SGCZ: variants seen among roughly 807,000 people sequenced by gnomAD.
SGCZ encodes the protein sarcoglycan zeta.
SGCZ carries 40 observed loss-of-function variants against 41.3 expected under a neutral mutation model. That is an observed-to-expected ratio of 0.97 (90% CI 0.75 to 1.26). SGCZ has a LOEUF of 1.26. Among genes scored for constraint, SGCZ ranks in the 50% most tolerant of loss-of-function variants. The probability of loss-of-function intolerance (pLI) is 0.00; values close to 1 mark genes in which losing one functional copy is unlikely to be tolerated. For synonymous variants in SGCZ, 206 were observed against 137.5 expected, an observed-to-expected ratio of 1.50 and a Z score of -3.49; for missense variants, 552 against 369.8, an observed-to-expected ratio of 1.49 and a Z score of -4.04.
chr8:15,099,576 A>C (rs1424264520), intron 1 of SGCZ, among the ~76,000 whole-genome samples: 2 of 152,188 alleles, frequency 1.3e-5, no homozygotes, highest in Admixed American at 1.3e-4. Flanking sequence ...GCAAAAAATA[A>C]TTGAAGAGGA....
intron 6 of SGCZ, among the ~76,000 whole-genome samples, chr8:14,107,856 A>C (rs1383460896): frequency 6.6e-6 from 1 of 151,914 alleles, no homozygotes; most frequent in African/African-American, 2.4e-5. Flanking sequence ...CTATGTTGCC[A>C]GGTCTTGAAC....
intron 2 of SGCZ, among the ~76,000 whole-genome samples, chr8:14,351,658 T>C (rs1179200185): frequency 1.3e-5 from 2 of 151,852 alleles, no homozygotes; most frequent in African/African-American, 4.8e-5. Context: ...AATACAAAGA[T>C]AGATGATAAC....
intron 1 of SGCZ, among the ~76,000 whole-genome samples, chr8:14,693,355 G>C (rs1323459873): frequency 6.7e-6 from 1 of 150,134 alleles, no homozygotes; most frequent in South Asian, 2.1e-4. Context: ...GCAATGGCAC[G>C]ATCTCGGCTC....
chr8:15,097,395 A>G (rs1585558867), intron 1 of SGCZ, among the ~76,000 whole-genome samples: 1 of 152,188 alleles, frequency 6.6e-6, no homozygotes, highest in East Asian at 1.9e-4. Context: ...GGCTGAGGCA[A>G]CCGCAACTAT....
chr8:14,398,201 C>T (rs1433826513), intron 2 of SGCZ, among the ~76,000 whole-genome samples: 2 of 152,080 alleles, frequency 1.3e-5, no homozygotes, highest in Non-Finnish European at 2.9e-5. Context: ...CTAATGACAC[C>T]GCTGTTTCTC....
chr8:14,246,447 G>A, intron 3 of SGCZ, among the ~76,000 whole-genome samples: 1 of 151,936 alleles, frequency 6.6e-6, no homozygotes. Context: ...GGACTGTTGT[G>A]GGGTGGGGGG....
chr8:15,014,503 T>G (rs1482783082), intron 1 of SGCZ, among the ~76,000 whole-genome samples: 1 of 152,208 alleles, frequency 6.6e-6, no homozygotes, highest in Non-Finnish European at 1.5e-5. Flanking sequence ...CACTTATTGC[T>G]AAGAAAGTTT....
intron 1 of SGCZ, among the ~76,000 whole-genome samples, chr8:14,611,204 C>G (rs566926609): frequency 6.6e-5 from 10 of 152,130 alleles, no homozygotes; most frequent in African/African-American, 2.2e-4. Flanking sequence ...TTCCTCAACA[C>G]TGAGTCTTTC....
chr8:14,957,513 G>A (rs1800829953), intron 1 of SGCZ, among the ~76,000 whole-genome samples: 1 of 151,870 alleles, frequency 6.6e-6, no homozygotes, highest in Non-Finnish European at 1.5e-5. Context: ...TAATATACAT[G>A]TTTAGTATCT....
chr8:15,000,585 C>T (rs997294237), intron 1 of SGCZ, among the ~76,000 whole-genome samples: 1 of 152,090 alleles, frequency 6.6e-6, no homozygotes, highest in African/African-American at 2.4e-5. Context: ...TTCAAGATGG[C>T]GGCTCCATCT....
intron 1 of SGCZ, among the ~76,000 whole-genome samples, chr8:15,060,598 A>G (rs1367448044): frequency 6.6e-6 from 1 of 151,422 alleles, no homozygotes; most frequent in African/African-American, 2.4e-5. Context: ...GGTGCAGCAC[A>G]CCAACATGGC....
At chr8:14,727,739 C>A (rs1810104906) in intron 1 of SGCZ, among the ~76,000 whole-genome samples, 1 of 152,030 alleles carries the variant, frequency 6.6e-6, no homozygotes, top group African/African-American at 2.4e-5. Context: ...GTCTCGATCT[C>A]CTGACCTCGT....
At chr8:15,098,450 G>T (rs1039377533) in intron 1 of SGCZ, among the ~76,000 whole-genome samples, 4 of 152,138 alleles carry the variant, frequency 2.6e-5, no homozygotes, top group Non-Finnish European at 5.9e-5. Context: ...GCTAGAAAAG[G>T]TGGCAAAGTT....
intron 4 of SGCZ, among the ~76,000 whole-genome samples, chr8:14,182,628 A>G (rs1804766709): frequency 1.3e-5 from 2 of 152,194 alleles, no homozygotes; most frequent in South Asian, 4.1e-4. Context: ...AATAATAAAG[A>G]CAAGAAAAGG....
chr8:14,609,186 T>C (rs982855848), intron 1 of SGCZ, among the ~76,000 whole-genome samples: 10 of 152,174 alleles, frequency 6.6e-5, no homozygotes, highest in African/African-American at 2.2e-4. Context: ...GAGATTGTAA[T>C]AACATAACAA....
At chr8:14,708,833 G>GTA (rs1554485116) in intron 1 of SGCZ, among the ~76,000 whole-genome samples, 1 of 151,792 alleles carries the variant, frequency 6.6e-6, no homozygotes, top group Non-Finnish European at 1.5e-5. Context: ...GTGTGTGTGT[G>GTA]TGTGTGTATT....
chr8:14,349,452 A>G (rs972723560), intron 2 of SGCZ, among the ~76,000 whole-genome samples: 2 of 151,274 alleles, frequency 1.3e-5, no homozygotes, highest in Non-Finnish European at 2.9e-5. Context: ...CCCTATGTCA[A>G]CATGGGATTT....
intron 2 of SGCZ, among the ~76,000 whole-genome samples, chr8:14,444,819 GAAATA>G (rs1800386246): frequency 6.6e-6 from 1 of 151,730 alleles, no homozygotes; most frequent in Non-Finnish European, 1.5e-5. Flanking sequence ...TAATAATAAT[GAAATA>G]AAATAAAATA....
At chr8:14,269,751 A>G (rs1799999683) in intron 3 of SGCZ, among the ~76,000 whole-genome samples, 1 of 152,132 alleles carries the variant, frequency 6.6e-6, no homozygotes, top group Admixed American at 6.5e-5. Context: ...ATGAGATATG[A>G]AGAAGATGTC....
Sources: allele counts gnomAD v4.1 joint callset (sites outside exome capture counted in the v4.1 genomes callset), GRCh38; gene constraint gnomAD v4.1.1; transcripts MANE v1.5; gene names NCBI Gene and HGNC (gene_info 2026-07-23, HGNC 2026-07-21).